The following WWC1 variants were observed in gnomAD, a reference collection of about 807,000 sequenced individuals.
WWC1 encodes the protein protein KIBRA.
A neutral mutation model predicts 138.4 loss-of-function variants in WWC1; 55 were observed. The ratio of observed to expected loss-of-function variants is 0.40; its 90% CI spans 0.32 to 0.50. WWC1 has a LOEUF of 0.50. Ranked by LOEUF, WWC1 falls within the 20% of genes least tolerant of loss-of-function variation. WWC1 has a pLI of 0.72. For synonymous variants in WWC1, 524 were observed against 564.9 expected (o/e 0.93, Z 1.03); for missense variants, 1,226 against 1,420.4 (o/e 0.86, Z 2.20).
intron 2 of WWC1, among the ~76,000 whole-genome samples, chr5:168,372,347 A>G (rs1776826161): frequency 6.6e-6 from 1 of 152,174 alleles, no homozygotes; most frequent in African/African-American, 2.4e-5. Context: ...TTGCTGTCCC[A>G]CTTGTGCATG....
At position 168,409,924 on chromosome 5, in the gene WWC1, C is replaced by G. The variant is rs140790211; in HGVS notation, c.870C>G (p.Phe290Leu). The G allele has an allele frequency of 1.9e-6, 3 of 1,613,892 alleles. No individual in the cohort carries two copies. Among genetic ancestry groups the G allele is most frequent in the Non-Finnish European group, 2.5e-6 (3 of 1,179,866 alleles). ...CTGACTTTGTTCTTCTCCTCCAGTT[C>G]GGCATCAACAGCAACAATCAGTTGG... is the stretch of plus-strand genomic sequence containing the variant. ...VSSQTDISGS[F>L]GINSNNQLAE... Residue 290 changes from phenylalanine to leucine, a missense_variant and splice_region_variant, in exon 8 of 23, where the codon TTC (phenylalanine) becomes TTG (leucine). Phe to Leu is a conservative substitution (Grantham distance 22). Transcript: ENST00000265293.
intron 1 of WWC1, among the ~76,000 whole-genome samples, chr5:168,327,670 A>G (rs1466342027): frequency 1.3e-5 from 2 of 152,236 alleles, no homozygotes; most frequent in Non-Finnish European, 2.9e-5. Flanking sequence ...TTGTCTCTGC[A>G]GTAAGGTGAG....
At position 168,397,823 on chromosome 5, in the gene WWC1, A is replaced by G. The variant is rs79066290; in HGVS notation, c.510+23A>G. On this transcript the variant is annotated intron_variant, in intron 4 of 22. Coordinates refer to ENST00000265293, the MANE Select transcript of WWC1 (RefSeq NM_015238.3). ...CGGGTAGGACCTCTTCACCTATGCT[A>G]TGTGCTAGTGATTGGGGCCACTGAG... 973 of 1,613,710 alleles carry G rather than the reference A, an allele frequency of 6.0e-4. 5 individuals are homozygous for G. In the African/African-American group the frequency reaches 0.011, roughly 19 times the overall value.
At chr5:168,444,453 C>T in intron 16 of WWC1, 41 bp from the exon 17 acceptor site, 1 of 1,534,090 alleles carries the variant, frequency 6.5e-7, no homozygotes, top group South Asian at 1.2e-5. Flanking sequence ...AGGGTGGCAC[C>T]TACATTGTAC....
intron 8 of WWC1, among the ~76,000 whole-genome samples, chr5:168,412,419 G>A (rs906758716): frequency 4.6e-5 from 7 of 152,190 alleles, no homozygotes; most frequent in African/African-American, 1.7e-4. Context: ...GTGTTTATCA[G>A]ATTCTTAAAA....
At chr5:168,341,679 G>A (rs1003914731) in intron 1 of WWC1, among the ~76,000 whole-genome samples, 2 of 151,142 alleles carry the variant, frequency 1.3e-5, no homozygotes, top group Non-Finnish European at 2.9e-5. Flanking sequence ...TCTTCAAAGC[G>A]GTGCAGGTGT....
chr5:168,414,069 G>T (rs955033643), intron 8 of WWC1: 14 of 405,140 alleles, frequency 3.5e-5, no homozygotes, highest in Admixed American at 1.7e-4. Context: ...GTTAGTGCCT[G>T]GTGATGAATC....
At chr5:168,412,759 T>C (rs1450897455) in intron 8 of WWC1, among the ~76,000 whole-genome samples, 1 of 147,938 alleles carries the variant, frequency 6.8e-6, no homozygotes, top group South Asian at 2.1e-4. Context: ...TTTTTAAATA[T>C]AGTATAACAA....
At chr5:168,312,848 C>G (rs1771241284) in intron 1 of WWC1, among the ~76,000 whole-genome samples, 2 of 143,194 alleles carry the variant, frequency 1.4e-5, no homozygotes, top group Admixed American at 1.4e-4. Context: ...TAGAGTCTAG[C>G]TCTGTTGCCC....
At chr5:168,458,139 G>T (rs1277769693) in intron 19 of WWC1, among the ~76,000 whole-genome samples, 1 of 152,166 alleles carries the variant, frequency 6.6e-6, no homozygotes, top group Non-Finnish European at 1.5e-5. Flanking sequence ...GATTTCAAAT[G>T]CTAATCAGCA....
intron 1 of WWC1, among the ~76,000 whole-genome samples, chr5:168,352,978 C>A (rs1775102927): frequency 6.6e-6 from 1 of 152,104 alleles, no homozygotes; most frequent in South Asian, 2.1e-4. Flanking sequence ...TAGGTCAATG[C>A]CTATTGCATA....
intron 15 of WWC1, among the ~76,000 whole-genome samples, chr5:168,440,610 T>C (rs1203355984): frequency 6.6e-6 from 1 of 152,102 alleles, no homozygotes; most frequent in African/African-American, 2.4e-5. Context: ...CTCCATCTCC[T>C]GAGTTCAAAC....
intron 15 of WWC1, among the ~76,000 whole-genome samples, chr5:168,433,362 T>C (rs533635311): frequency 1.3e-5 from 2 of 152,368 alleles, no homozygotes; most frequent in East Asian, 3.9e-4. Context: ...GTAGCAAGAA[T>C]GTAGAGCAGC....
intron 5 of WWC1, among the ~76,000 whole-genome samples, chr5:168,405,730 CTT>C (rs540999364): frequency 6.1e-5 from 8 of 132,060 alleles, no homozygotes; most frequent in Non-Finnish European, 9.9e-5. Flanking sequence ...TTCTTTCTTT[CTT>C]TTTTTTTTTT....
intron 1 of WWC1, among the ~76,000 whole-genome samples, chr5:168,342,326 T>C (rs1332421897): frequency 1.3e-5 from 2 of 151,994 alleles, no homozygotes; most frequent in African/African-American, 4.8e-5. Context: ...CCATGGAAGG[T>C]AGAGCTATTG....
intron 1 of WWC1, among the ~76,000 whole-genome samples, chr5:168,364,368 C>T (rs183276900): frequency 1.1e-4 from 17 of 152,214 alleles, no homozygotes; most frequent in Non-Finnish European, 1.5e-4. Context: ...GCCCATGGCC[C>T]GTTGGCCTTT....
intron 1 of WWC1, among the ~76,000 whole-genome samples, chr5:168,361,195 A>C (rs2152800020): frequency 6.6e-6 from 1 of 152,318 alleles, no homozygotes; most frequent in Middle Eastern, 3.4e-3. Flanking sequence ...TTACACAGCT[A>C]GGAAGGATGG....
In WWC1 at chr5:168,292,236, G is replaced by T; in HGVS notation, c.84G>T (p.Thr28=). ...GCAAGGTCTACTACATAGACCACAC[G>T]AACCGCACCACCAGCTGGATCGACC... ...FDGKVYYIDH[T]NRTTSWIDPR... Residue 28 remains threonine (T), a synonymous_variant, in exon 1 of 23, where the codon ACG becomes ACT. Coordinates refer to ENST00000265293, the MANE Select transcript of WWC1 (RefSeq NM_015238.3). The surrounding 1 kb of genome is among the most constrained non-coding windows in gnomAD (Gnocchi z 4.4). 1 of 1,595,330 alleles carries T rather than the reference G, an allele frequency of 6.3e-7. No homozygotes were observed. Among genetic ancestry groups the T allele is most frequent in the Non-Finnish European group, 8.5e-7 (1 of 1,171,616 alleles).
At chr5:168,468,446 T>G (rs1757478643) in intron 22 of WWC1, among the ~76,000 whole-genome samples, 1 of 152,146 alleles carries the variant, frequency 6.6e-6, no homozygotes, top group South Asian at 2.1e-4. Context: ...CCCTAGCGTT[T>G]AGACTTCTGA....
Sources: gnomAD v4.1 joint callset for allele counts (sites outside exome capture counted in the v4.1 genomes callset) on GRCh38, gnomAD v4.1.1 for gene constraint, Gnocchi (gnomAD v3.1) non-coding constraint, MANE v1.5 for transcripts, NCBI Gene and HGNC (gene_info 2026-07-23, HGNC 2026-07-21) for gene names.